Variants in TDRP observed in about 807,000 individuals in gnomAD.
The protein encoded by TDRP is testis development-related protein.
Under a neutral mutation model 10.5 loss-of-function variants are expected in TDRP, and 12 were observed. That is an observed-to-expected ratio of 1.15 (90% CI 0.73 to 1.86). The LOEUF (loss-of-function observed/expected upper bound fraction) is 1.86. TDRP is among the 40% of genes most tolerant of loss of function. TDRP has a pLI of 0.00. For synonymous variants in TDRP, 139 were observed against 95.4 expected (o/e 1.46, Z -2.67); for missense variants, 353 against 229.2 (o/e 1.54, Z -3.49).
intron 1 of TDRP, among the ~76,000 whole-genome samples, chr8:517,166 A>T (rs1801777997): frequency 6.6e-6 from 1 of 152,156 alleles, no homozygotes; most frequent in Non-Finnish European, 1.5e-5. Context: ...AGACTGACAG[A>T]AGGGACTCTT....
chr8:542,375 G>A (rs1253581321), intron 1 of TDRP, among the ~76,000 whole-genome samples: 1 of 152,102 alleles, frequency 6.6e-6, no homozygotes, highest in African/African-American at 2.4e-5. Context: ...CCTCCCAGGT[G>A]AGGACCATGA....
At chr8:501,146 C>T (rs1165798422) in intron 1 of TDRP, among the ~76,000 whole-genome samples, 1 of 151,558 alleles carries the variant, frequency 6.6e-6, no homozygotes, top group Non-Finnish European at 1.5e-5. Flanking sequence ...GTGGAGCTTG[C>T]AGTGAGCTGA....
chr8:511,993 C>G (rs552051229), intron 1 of TDRP, among the ~76,000 whole-genome samples: 3 of 152,182 alleles, frequency 2.0e-5, no homozygotes, highest in African/African-American at 7.2e-5. Context: ...AAACTTCTAT[C>G]TTAAGGCAGT....
chr8:494,975 A>T, intron 1 of TDRP: 9 of 163,452 alleles, frequency 5.5e-5, no homozygotes, highest in South Asian at 3.3e-4. Flanking sequence ...CGCATACCTG[A>T]AATCCCAGCA....
intron 1 of TDRP, among the ~76,000 whole-genome samples, chr8:515,083 T>C (rs1300022211): frequency 1.3e-5 from 2 of 152,170 alleles, no homozygotes; most frequent in Non-Finnish European, 2.9e-5. Flanking sequence ...ACCAGTTCTG[T>C]AACCTTGTGG....
Position 544,677 on chromosome 8 carries a change from C to A in TDRP, c.81G>T (p.Pro27=), listed in dbSNP as rs773283807. The A allele has an allele frequency of 4.8e-6, 6 of 1,244,686 alleles. No homozygotes were observed. In the East Asian group the frequency reaches 1.6e-4, roughly 33 times the overall value. 77.1% of individuals were successfully genotyped at this position (1,244,686 alleles called of 1,614,324 possible). ...GCGCCTGGGCGGCGGCGGCGGCGGC[C>A]GGTGGCGGCCCCCCACGCAGGCCGT... ...EEDGLRGGPP[P]AAAAAAQAQV... The change falls in exon 1 of 3, where the codon CCG becomes CCT. Residue 27 remains proline (P), a synonymous_variant. Transcript: ENST00000324079.
chr8:512,819 A>C (rs1801653897), intron 1 of TDRP, among the ~76,000 whole-genome samples: 1 of 151,996 alleles, frequency 6.6e-6, no homozygotes, highest in African/African-American at 2.4e-5. Context: ...TAAAAATACA[A>C]AAATTAGCTG....
chr8:498,551 T>TAGATGAGACTACTTACCTTGTCTC (rs1801197924), intron 1 of TDRP, among the ~76,000 whole-genome samples: 1 of 152,194 alleles, frequency 6.6e-6, no homozygotes, highest in East Asian at 1.9e-4. Context: ...TACCTTGTCT[T>TAGATGAGACTACTTACCTTGTCTC]AGATGAGACT....
In TDRP at chr8:525,795, A is replaced by G. The variant is rs528975037; in HGVS notation, c.108+18855T>C. 2.6e-5 allele frequency among the ~76,000 whole-genome samples: 4 copies of G among 152,350 alleles called. No homozygotes were observed. In the South Asian group the frequency reaches 8.3e-4, roughly 32 times the overall value. On this transcript the variant is annotated intron_variant, in intron 1 of 2. Coordinates refer to ENST00000324079, the MANE Select transcript of TDRP (RefSeq NM_001384899.1). ...GCAGAACAACCAGAAAACAAGTAAGAAAATGGCAGGAGTAAGTCATTATTT... is the reference window on the plus strand; with the variant it reads ...GCAGAACAACCAGAAAACAAGTAAGGAAATGGCAGGAGTAAGTCATTATTT...
chr8:532,304 G>C (rs1802225510), intron 1 of TDRP, among the ~76,000 whole-genome samples: 2 of 152,198 alleles, frequency 1.3e-5, no homozygotes, highest in Non-Finnish European at 2.9e-5. Flanking sequence ...CTGTGTGGCA[G>C]CCATGCACCC....
At position 491,315 on chromosome 8, in the gene TDRP, C is replaced by G. The variant is rs1800966055; in HGVS notation, c.*1084G>C. 2 of 309,660 alleles carry G rather than the reference C, an allele frequency of 6.5e-6. No homozygotes were observed. Among genetic ancestry groups the G allele is most frequent in the Non-Finnish European group, 1.2e-5 (2 of 170,794 alleles). 19.2% of individuals were successfully genotyped at this position (309,660 alleles called of 1,614,324 possible). ...AAAATATACCTTTTCTTTCAAACCACTTTTATCTAAGAGATATCTGCAGGA... is the reference window on the plus strand; with the variant it reads ...AAAATATACCTTTTCTTTCAAACCAGTTTTATCTAAGAGATATCTGCAGGA... On this transcript the variant is annotated 3_prime_UTR_variant, in exon 3 of 3. Transcript: ENST00000324079.
intron 1 of TDRP, among the ~76,000 whole-genome samples, chr8:519,178 T>G (rs7819529): frequency 0.69 from 104,711 of 151,968 alleles, 36,482 homozygotes; most frequent in African/African-American, 0.73. Flanking sequence ...GACAGAGTTC[T>G]GGAGCTTCCA....
At chr8:502,140 C>G (rs1320491187) in intron 1 of TDRP, among the ~76,000 whole-genome samples, 1 of 152,240 alleles carries the variant, frequency 6.6e-6, no homozygotes, top group South Asian at 2.1e-4. Context: ...GTGCCCCCAA[C>G]AGGCTAAGGT....
intron 1 of TDRP, among the ~76,000 whole-genome samples, chr8:516,235 T>C (rs1801754537): frequency 6.6e-6 from 1 of 151,976 alleles, no homozygotes; most frequent in African/African-American, 2.4e-5. Flanking sequence ...TGTCATAAAA[T>C]CTCCCCCAAG....
intron 1 of TDRP, among the ~76,000 whole-genome samples, chr8:503,624 G>A (rs58966332): frequency 0.052 from 7,372 of 143,036 alleles, 184 homozygotes; most frequent in African/African-American, 0.078. Flanking sequence ...CACCCAACAC[G>A]GAATCCAGAG....
At chr8:527,140 G>C (rs1230331512) in intron 1 of TDRP, among the ~76,000 whole-genome samples, 5 of 151,742 alleles carry the variant, frequency 3.3e-5, no homozygotes, top group African/African-American at 1.2e-4. Context: ...TACACCAAAA[G>C]CAGACAATCT....
Position 493,990 on chromosome 8 carries a change from G to GTTTTT in TDRP, c.212+503_212+504insAAAAA, listed in dbSNP as rs1303603080. Among the ~76,000 whole-genome samples the GTTTTT allele has an allele frequency of 1.6e-4, 13 of 80,018 alleles. 1 individual carries two copies. Among genetic ancestry groups the GTTTTT allele is most frequent in the Admixed American group, 2.8e-4 (2 of 7,260 alleles). The allele number at this position is 80,018 out of a possible 152,430, so 52.5% of individuals were successfully genotyped here. On this transcript the variant is annotated intron_variant, in intron 2 of 2. Coordinates refer to ENST00000324079, the MANE Select transcript of TDRP (RefSeq NM_001384899.1). ...TCATCGAACACCACAACTCATTTCT[G>GTTTTT]TTGTTTTTTTTTTTTTTTTTTTTGA...
intron 1 of TDRP, among the ~76,000 whole-genome samples, chr8:517,474 G>T (rs1285092374): frequency 6.6e-6 from 1 of 152,096 alleles, no homozygotes; most frequent in East Asian, 1.9e-4. Context: ...AAGAACCTGG[G>T]CTTCCACAAC....
chr8:530,816 A>G (rs1802172003), intron 1 of TDRP, among the ~76,000 whole-genome samples: 1 of 152,138 alleles, frequency 6.6e-6, no homozygotes, highest in South Asian at 2.1e-4. Flanking sequence ...GAAAAGCCAG[A>G]ATGTTAAATG....
Sources: allele counts gnomAD v4.1 joint callset (sites outside exome capture counted in the v4.1 genomes callset), GRCh38; gene constraint gnomAD v4.1.1; transcripts MANE v1.5; gene names NCBI Gene and HGNC (gene_info 2026-07-23, HGNC 2026-07-21).